Variants in CD207 observed in about 807,000 individuals in gnomAD.
CD207 encodes C-type lectin domain family 4 member K.
A neutral mutation model predicts 31.6 loss-of-function variants in CD207; 28 were observed. The ratio of observed to expected loss-of-function variants is 0.89; its 90% CI spans 0.66 to 1.21. CD207 has a LOEUF of 1.21. Ranked by LOEUF, CD207 falls within the 50% of genes most tolerant of loss-of-function variation. The pLI is 0.00. For missense variants in CD207, 388 were observed against 397.8 expected, an observed-to-expected ratio of 0.98 and a Z score of 0.21; for synonymous variants, 168 against 153.9, an observed-to-expected ratio of 1.09 and a Z score of -0.68.
At position 70,831,001 on chromosome 2, in the gene CD207, T is replaced by G. The variant is rs376522449; in HGVS notation, c.*49A>C. 6.5e-7 allele frequency: 1 copy of G among 1,546,938 alleles called. No homozygotes were observed. Among genetic ancestry groups the G allele is most frequent in the African/African-American group, 1.4e-5 (1 of 72,832 alleles). ...TGGGGAAGAAAGAGGCATTTCCTCATGTTTAACAAGCGTTGGAGCTCAAAG... is the reference window on the plus strand; with the variant it reads ...TGGGGAAGAAAGAGGCATTTCCTCAGGTTTAACAAGCGTTGGAGCTCAAAG... On this transcript the variant is annotated 3_prime_UTR_variant, in exon 6 of 6. Transcript: ENST00000410009.
Position 70,833,730 on chromosome 2 carries a change from A to G in CD207, c.481T>C (p.Leu161=). 1 of 1,613,898 alleles carries G rather than the reference A, an allele frequency of 6.2e-7. No individual in the cohort carries two copies. Among genetic ancestry groups the G allele is most frequent in the Non-Finnish European group, 8.5e-7 (1 of 1,179,868 alleles). Residue 161 remains leucine, a synonymous_variant, in exon 3 of 6, where the codon TTG becomes CTG. Transcript: ENST00000410009. ...NAQIPELKSD[L]EKASALNTKI... ...GTATTTAAAGCACTGGCTTTCTCCA[A>G]ATCACTTTTTAACTCTGGGATTTGG...
downstream of CD207, among the ~76,000 whole-genome samples, chr2:70,827,624 C>G (rs1489934476): frequency 6.6e-6 from 1 of 152,034 alleles, no homozygotes; most frequent in East Asian, 1.9e-4. Context: ...TGCTAGGCAA[C>G]TACACACGTG....
intron 3 of CD207, 69 bp from the exon 4 acceptor site, chr2:70,833,120 A>AAGAGGGGG: frequency 6.6e-7 from 1 of 1,506,850 alleles, no homozygotes; most frequent in Non-Finnish European, 9.2e-7. Context: ...TGGTGGGGGC[A>AAGAGGGGG]CTTGAATGAG....
At chr2:70,827,451 G>A (rs782814605), downstream of CD207, among the ~76,000 whole-genome samples, 46 of 152,196 alleles carry the variant, frequency 3.0e-4, no homozygotes, top group Non-Finnish European at 5.3e-4. Context: ...GGGAGGCAAC[G>A]CATTGCCCTG....
downstream of CD207, chr2:70,830,078 A>T (rs1553399407): frequency 1.3e-5 from 2 of 152,158 alleles, no homozygotes; most frequent in Non-Finnish European, 2.9e-5. Flanking sequence ...CAGGACTGGA[A>T]CTTCCCCAGT....
intron 2 of CD207, among the ~76,000 whole-genome samples, chr2:70,834,709 C>A (rs782501025): frequency 6.6e-6 from 1 of 152,080 alleles, no homozygotes; most frequent in Non-Finnish European, 1.5e-5. Flanking sequence ...TGTTAGAGGC[C>A]AGGGGTCTAG....
chr2:70,832,214 G>A (rs1207897854), intron 4 of CD207, among the ~76,000 whole-genome samples: 2 of 152,204 alleles, frequency 1.3e-5, no homozygotes, highest in African/African-American at 4.8e-5. Context: ...TCTGAGGCAG[G>A]TGCCATCACC....
Position 70,835,692 on chromosome 2 carries a change from G to T in CD207, c.73+12C>A, listed in dbSNP as rs569456111. ...GAACACGGAGCAGGTTCTCAGCAGC[G>T]ATGTGGCTTGCCTCGGGGCCAGAGG... is the stretch of plus-strand genomic sequence containing the variant. On this transcript the variant is annotated intron_variant, in intron 1 of 5. Transcript: ENST00000410009. 1.2e-5 allele frequency: 20 copies of T among 1,613,148 alleles called. No homozygotes were observed. Among genetic ancestry groups the T allele is most frequent in the Non-Finnish European group, 1.5e-5 (18 of 1,179,444 alleles).
intron 2 of CD207, 116 bp from the exon 3 acceptor site, chr2:70,834,136 A>C: frequency 4.1e-6 from 4 of 986,490 alleles, no homozygotes; most frequent in Non-Finnish European, 4.1e-6. Context: ...CAAAGAACCA[A>C]GACAGTCCAA....
chr2:70,835,727 T>C lies in CD207; in HGVS notation c.50A>G (p.Gln17Arg), dbSNP rs1191453016. 17 of 1,613,288 alleles carry C rather than the reference T, an allele frequency of 1.1e-5. No individual in the cohort carries two copies. Among genetic ancestry groups the C allele is most frequent in the Non-Finnish European group, 1.4e-5 (17 of 1,179,704 alleles). ...APDAHFTVDK[Q>R]NISLWPREPP... The stretch of plus-strand genomic sequence containing the variant: ...GCCTCGGGGCCAGAGGGAGATGTTC[T>C]GTTTGTCCACAGTGAAGTGCGCATC... The change falls in exon 1 of 6, where the codon CAG becomes CGG. Residue 17 changes from glutamine (Q) to arginine (R), a missense_variant. By Grantham distance (43) the Gln-to-Arg change is conservative. Coordinates refer to ENST00000410009, the MANE Select transcript of CD207 (RefSeq NM_015717.5).
chr2:70,833,963 C>A lies in CD207; in HGVS notation c.248G>T (p.Gly83Val). The A allele has an allele frequency of 6.5e-7, 1 of 1,541,818 alleles. No homozygotes were observed. The highest frequency in any genetic ancestry group is 8.7e-7 in the Non-Finnish European group (1 of 1,145,458). Residue 83 changes from glycine to valine, a missense_variant, in exon 3 of 6, where the codon GGT becomes GTT. Gly to Val is a moderately radical substitution (Grantham distance 109, BLOSUM62 -3). Transcript: ENST00000410009. Reference protein sequence around the residue: ...DVKTNVQLLKGRVDNISTLDS... With the variant: ...DVKTNVQLLKVRVDNISTLDS... The stretch of plus-strand genomic sequence containing the variant: ...CAGGGTGCTGATGTTGTCCACACGA[C>A]CTTTCAGCAACTGGACATTGGTCTT...
downstream of CD207, among the ~76,000 whole-genome samples, chr2:70,825,929 T>C (rs1412287808): frequency 6.6e-6 from 1 of 152,028 alleles, no homozygotes; most frequent in East Asian, 1.9e-4. Flanking sequence ...GAGGATCACC[T>C]GAGCTCAGGA....
downstream of CD207, among the ~76,000 whole-genome samples, chr2:70,826,909 A>G (rs913303259): frequency 4.6e-5 from 7 of 152,202 alleles, no homozygotes; most frequent in African/African-American, 1.7e-4. Context: ...TTCAACACTA[A>G]GTAAAAAACA....
chr2:70,827,641 C>T (rs35593322), downstream of CD207, among the ~76,000 whole-genome samples: 30,058 of 151,920 alleles, frequency 0.2, 3,485 homozygotes, highest in Non-Finnish European at 0.26. Flanking sequence ...CGTGTGTGCG[C>T]GCACACACAC....
chr2:70,828,701 T>C (rs1677401528), downstream of CD207, among the ~76,000 whole-genome samples: 1 of 152,174 alleles, frequency 6.6e-6, no homozygotes, highest in Non-Finnish European at 1.5e-5. Flanking sequence ...AGTCTTGCCC[T>C]GTTGCCCAGG....
the CD207 span, among the ~76,000 whole-genome samples, chr2:70,825,098 T>C: frequency 0.6 from 91,892 of 152,042 alleles, 28,273 homozygotes; most frequent in Middle Eastern, 0.7. Context: ...GTGATGAGAA[T>C]GGCCCTTTAT....
chr2:70,825,205 C>T, the CD207 span, among the ~76,000 whole-genome samples: 2 of 152,156 alleles, frequency 1.3e-5, no homozygotes, highest in African/African-American at 4.8e-5. Flanking sequence ...AAGTACCTGA[C>T]CAGTGGGCTC....
rs782342629 is a variant in CD207 at position 70,835,569 on chromosome 2, T to C, written c.112A>G (p.Lys38Glu). 61 of 1,613,966 alleles carry C rather than the reference T, an allele frequency of 3.8e-5. No homozygotes were observed. In the Middle Eastern group the frequency reaches 1.2e-3, roughly 31 times the overall value. Residue 38 changes from lysine (K) to glutamate (E), a missense_variant, in exon 2 of 6, where the codon AAA (lysine) becomes GAA (glutamate). Physicochemically the swap from Lys to Glu is moderately conservative, Grantham distance 56 (BLOSUM62 1). Transcript: ENST00000410009. ...AATGCAGCACGGACTGTGGGTGTTT[T>C]CCCCGGGACCAGAGATGGACCGGAC... The part of the protein sequence containing the change: ...PKSGPSLVPG[K>E]TPTVRAALIC...
At chr2:70,826,186 A>G (rs1677338585), downstream of CD207, among the ~76,000 whole-genome samples, 3 of 152,096 alleles carry the variant, frequency 2.0e-5, no homozygotes, top group Admixed American at 6.5e-5. Context: ...AGTAGTAATT[A>G]TGGAATCTCA....
Sources: gnomAD v4.1 joint callset for allele counts (sites outside exome capture counted in the v4.1 genomes callset) on GRCh38, gnomAD v4.1.1 for gene constraint, MANE v1.5 for transcripts, NCBI Gene and HGNC (gene_info 2026-07-23, HGNC 2026-07-21) for gene names.